Variants in NCOA2 observed in about 807,000 individuals in gnomAD.
The protein encoded by NCOA2 is nuclear receptor coactivator 2, also known as class E basic helix-loop-helix protein 75.
Under a neutral mutation model 145.1 loss-of-function variants are expected in NCOA2, and 21 were observed. That is an observed-to-expected ratio of 0.14 (90% CI 0.10 to 0.21). The LOEUF is 0.21. NCOA2 is among the 10% of genes least tolerant of loss of function. The probability of loss-of-function intolerance (pLI) is 1.00; values close to 1 mark genes in which losing one functional copy is unlikely to be tolerated. For missense variants in NCOA2, 1,472 were observed against 1,837.6 expected (o/e 0.80, Z 3.64); for synonymous variants, 619 against 637.5 (o/e 0.97, Z 0.44).
chr8:70,308,479 A>ATG (rs971603088), intron 1 of NCOA2, among the ~76,000 whole-genome samples: 43 of 151,986 alleles, frequency 2.8e-4, no homozygotes, highest in African/African-American at 8.4e-4. Context: ...ATACACATAT[A>ATG]TGTGTGTGTG....
At chr8:70,182,859 C>G (rs1815643972) in intron 4 of NCOA2, among the ~76,000 whole-genome samples, 1 of 152,126 alleles carries the variant, frequency 6.6e-6, no homozygotes. Context: ...TACTTAGGCA[C>G]ACAATAAACA....
chr8:70,334,678 TCC>T (rs1215419014), intron 1 of NCOA2, among the ~76,000 whole-genome samples: 1 of 152,200 alleles, frequency 6.6e-6, no homozygotes, highest in African/African-American at 2.4e-5. Flanking sequence ...CCTGAAATGA[TCC>T]TTGGCAAAAG....
chr8:70,244,594 T>C (rs150003695), intron 2 of NCOA2, among the ~76,000 whole-genome samples: 8 of 151,864 alleles, frequency 5.3e-5, no homozygotes, highest in Middle Eastern at 3.4e-3. Flanking sequence ...ATCACAAAGC[T>C]CCCCTTTAAG....
chr8:70,244,277 C>T (rs1252095851), intron 2 of NCOA2, among the ~76,000 whole-genome samples: 1 of 151,974 alleles, frequency 6.6e-6, no homozygotes, highest in African/African-American at 2.4e-5. Flanking sequence ...AATTGTTAAC[C>T]CTTTTCAGAT....
chr8:70,332,615 A>C (rs1807211616), intron 1 of NCOA2, among the ~76,000 whole-genome samples: 1 of 152,160 alleles, frequency 6.6e-6, no homozygotes, highest in Non-Finnish European at 1.5e-5. Context: ...CATAATGTGT[A>C]TGACTGTGTA....
the NCOA2 span, among the ~76,000 whole-genome samples, chr8:70,419,168 G>C: frequency 6.6e-6 from 1 of 150,442 alleles, no homozygotes; most frequent in South Asian, 2.1e-4. Flanking sequence ...TATTTGGCTT[G>C]GTTTCACTGT....
chr8:70,222,257 A>G (rs536380348), intron 2 of NCOA2, among the ~76,000 whole-genome samples: 24 of 152,348 alleles, frequency 1.6e-4, no homozygotes, highest in African/African-American at 5.0e-4. Flanking sequence ...CCTTTTAAAA[A>G]TAACAATAAG....
chr8:70,393,606 C>T (rs1335840646), intron 1 of NCOA2, among the ~76,000 whole-genome samples: 1 of 151,976 alleles, frequency 6.6e-6, no homozygotes, highest in African/African-American at 2.4e-5. Context: ...CAGTTCATGA[C>T]GCCTGCAAGA....
chr8:70,397,549 A>AG (rs1813792320), intron 1 of NCOA2, among the ~76,000 whole-genome samples: 1 of 152,132 alleles, frequency 6.6e-6, no homozygotes, highest in Non-Finnish European at 1.5e-5. Context: ...TGCACTCAGG[A>AG]GCATTCCATC....
chr8:70,405,437 G>GTTTTT (rs34814735), upstream of NCOA2, among the ~76,000 whole-genome samples: 282 of 59,388 alleles, frequency 4.7e-3, 43 homozygotes, highest in East Asian at 0.01. Context: ...ATTTTTAAAG[G>GTTTTT]TTTTTTTTTT....
intron 2 of NCOA2, among the ~76,000 whole-genome samples, chr8:70,285,563 C>T (rs1826176616): frequency 6.6e-6 from 1 of 152,240 alleles, no homozygotes; most frequent in African/African-American, 2.4e-5. Flanking sequence ...GGGCACAGTG[C>T]CCACTGCCCT....
chr8:70,246,018 A>G (rs1454904856), intron 2 of NCOA2, among the ~76,000 whole-genome samples: 1 of 152,164 alleles, frequency 6.6e-6, no homozygotes, highest in Non-Finnish European at 1.5e-5. Flanking sequence ...TGTCCCAAGA[A>G]GAAAAATATT....
chr8:70,234,285 A>G (rs1821405134), intron 2 of NCOA2, among the ~76,000 whole-genome samples: 1 of 152,076 alleles, frequency 6.6e-6, no homozygotes, highest in Non-Finnish European at 1.5e-5. Context: ...GGTTGTTTCT[A>G]CTTTTTGGCT....
At position 70,156,893 on chromosome 8, in the gene NCOA2, C is replaced by T. The variant is rs757931284; in HGVS notation, c.1472G>A (p.Arg491His). 1.5e-5 allele frequency: 25 copies of T among 1,613,990 alleles called. No homozygotes were observed. Among genetic ancestry groups the T allele is most frequent in the Admixed American group, 8.3e-5 (5 of 60,018 alleles). ...QPTSMLSPRHRMSPGVAGSPR... is the reference protein window; with the variant it reads ...QPTSMLSPRHHMSPGVAGSPR... ...GCTGCCAGCCACTCCAGGGCTCATGCGATGCCTTGGTGAAAGCATGGAGGT... is the reference window on the plus strand; with the variant it reads ...GCTGCCAGCCACTCCAGGGCTCATGTGATGCCTTGGTGAAAGCATGGAGGT... The change falls in exon 11 of 23, where the codon CGC becomes CAC. Residue 491 changes from arginine (R) to histidine (H), a missense_variant. Coordinates refer to ENST00000452400, the MANE Select transcript of NCOA2 (RefSeq NM_006540.4).
chr8:70,236,521 T>G (rs1821622061), intron 2 of NCOA2, among the ~76,000 whole-genome samples: 3 of 152,100 alleles, frequency 2.0e-5, no homozygotes, highest in South Asian at 4.1e-4. Context: ...TTTGGGTAAC[T>G]CCCACTCATC....
chr8:70,435,649 C>G, the NCOA2 span, among the ~76,000 whole-genome samples: 1 of 150,928 alleles, frequency 6.6e-6, no homozygotes, highest in African/African-American at 2.4e-5. Context: ...AAATACCTAG[C>G]AAGCCTAACA....
chr8:70,395,173 T>C (rs2131684095), intron 1 of NCOA2, among the ~76,000 whole-genome samples: 1 of 152,306 alleles, frequency 6.6e-6, no homozygotes, highest in Admixed American at 6.5e-5. Flanking sequence ...AGAAGAAAGA[T>C]AAAAGGAGGT....
chr8:70,166,860 T>G (rs576801335), intron 6 of NCOA2, 106 bp from the exon 7 acceptor site: 2 of 1,042,908 alleles, frequency 1.9e-6, no homozygotes, highest in Non-Finnish European at 2.8e-6. Context: ...TTCATCTTTA[T>G]GTACTACTTT....
Position 70,162,773 on chromosome 8 carries a change from T to C in NCOA2, c.914A>G (p.Gln305Arg), listed in dbSNP as rs1813172897. Residue 305 changes from glutamine to arginine, a missense_variant, in exon 9 of 23, where the codon CAG (glutamine) becomes CGG (arginine). By Grantham distance (43) the Gln-to-Arg change is conservative. This residue lies in a region of NCOA2 where 284 missense variants were observed against 467.8 expected (regional missense o/e 0.61). Coordinates refer to ENST00000452400, the MANE Select transcript of NCOA2 (RefSeq NM_006540.4). ...TCCTTCATGCTGCGCATGGAACTTC[T>C]GAATACACCTTCTTACCAGGTCCTC... ...GWEDLVRRCI[Q>R]KFHAQHEGES... The C allele has an allele frequency of 1.9e-6, 3 of 1,613,992 alleles. No individual in the cohort carries two copies. The highest frequency in any genetic ancestry group is 2.5e-6 in the Non-Finnish European group (3 of 1,179,870).
Sources: gnomAD v4.1 joint callset for allele counts (sites outside exome capture counted in the v4.1 genomes callset) on GRCh38, gnomAD v4.1.1 for gene constraint, gnomAD v4.1.1 regional missense constraint, MANE v1.5 for transcripts, NCBI Gene and HGNC (gene_info 2026-07-23, HGNC 2026-07-21) for gene names.